The following PCDH11X variants were observed in gnomAD, a reference collection of about 807,000 sequenced individuals.
PCDH11X encodes protocadherin 11 X-linked, also known as protocadherin-11 X-linked.
PCDH11X carries 18 observed loss-of-function variants against 53.3 expected under a neutral mutation model. The observed-to-expected ratio is 0.34, with a 90% CI of 0.23 to 0.50. The LOEUF is 0.50. Ranked by LOEUF, PCDH11X falls within the 20% of genes least tolerant of loss-of-function variation. PCDH11X has a pLI of 0.98. For synonymous variants in PCDH11X, 279 were observed against 393.3 expected, an observed-to-expected ratio of 0.71 and a Z score of 3.44; for missense variants, 570 against 1,032.4, an observed-to-expected ratio of 0.55 and a Z score of 6.14.
chrX:92,023,021 T>A (rs1301041103), intron 6 of PCDH11X, among the ~76,000 whole-genome samples: 1 of 110,386 alleles, frequency 9.1e-6, no homozygotes, highest in East Asian at 2.9e-4. Flanking sequence ...TAAAGCAGTG[T>A]TAAGAGGGTA....
intron 6 of PCDH11X, among the ~76,000 whole-genome samples, chrX:91,978,765 T>A (rs2062081773): frequency 8.9e-6 from 1 of 112,497 alleles, no homozygotes; most frequent in African/African-American, 3.2e-5. Flanking sequence ...AAGACAGGGG[T>A]CAGGGCTCAG....
At chrX:92,333,371 C>T (rs143661298) in intron 8 of PCDH11X, among the ~76,000 whole-genome samples, 3,376 of 110,554 alleles carry the variant, frequency 0.031, 68 homozygotes, top group Non-Finnish European at 0.048. Context: ...ACAATTGATG[C>T]CTGTATGAGT....
chrX:91,953,015 A>G (rs2061660404), intron 6 of PCDH11X, among the ~76,000 whole-genome samples: 1 of 110,524 alleles, frequency 9.0e-6, no homozygotes, highest in African/African-American at 3.3e-5. Flanking sequence ...GAACTCATGG[A>G]CTTGGAGAGT....
chrX:92,249,768 T>C (rs766282328), intron 7 of PCDH11X, among the ~76,000 whole-genome samples: 6 of 111,936 alleles, frequency 5.4e-5, no homozygotes, highest in South Asian at 3.7e-4. Flanking sequence ...TTTATCCCCT[T>C]TAATTTGGCT....
intron 10 of PCDH11X, among the ~76,000 whole-genome samples, chrX:92,512,589 A>C (rs745796481): frequency 1.8e-5 from 2 of 111,907 alleles, no homozygotes; most frequent in African/African-American, 6.5e-5. Flanking sequence ...AAAAGAAAGA[A>C]AAATGTCTAA....
intron 6 of PCDH11X, among the ~76,000 whole-genome samples, chrX:91,922,479 G>A (rs938036028): frequency 9.0e-6 from 1 of 111,659 alleles, no homozygotes; most frequent in East Asian, 2.8e-4. Context: ...GACCTGTTAG[G>A]AACTGGGGCC....
At chrX:92,577,566 T>TTAC (rs2148782086) in intron 10 of PCDH11X, among the ~76,000 whole-genome samples, 1 of 110,166 alleles carries the variant, frequency 9.1e-6, no homozygotes, top group African/African-American at 3.3e-5. Context: ...CTGATCTTAG[T>TTAC]TATTTCTTGT....
chrX:92,126,782 A>T (rs758769070), intron 6 of PCDH11X, among the ~76,000 whole-genome samples: 17 of 105,876 alleles, frequency 1.6e-4, no homozygotes, highest in African/African-American at 5.5e-4. Flanking sequence ...GTATGGGAGA[A>T]TCTAATTTTA....
intron 5 of PCDH11X, among the ~76,000 whole-genome samples, chrX:91,869,845 C>A (rs902697215): frequency 2.7e-5 from 3 of 111,384 alleles, no homozygotes; most frequent in African/African-American, 6.5e-5. Flanking sequence ...GAATCTGAAG[C>A]GAGACAGAGA....
At chrX:91,975,290 C>T (rs1213190387) in intron 6 of PCDH11X, among the ~76,000 whole-genome samples, 2 of 111,955 alleles carry the variant, frequency 1.8e-5, no homozygotes, top group African/African-American at 6.5e-5. Context: ...GTCAAGATGA[C>T]ACAAAGATTT....
At chrX:92,162,088 A>T (rs1484905013) in intron 6 of PCDH11X, among the ~76,000 whole-genome samples, 6 of 86,355 alleles carry the variant, frequency 6.9e-5, no homozygotes, top group African/African-American at 2.7e-4. Context: ...GGGAGTGTTA[A>T]AAAACCTTGT....
At chrX:92,158,600 G>C (rs2065581440) in intron 6 of PCDH11X, among the ~76,000 whole-genome samples, 1 of 111,847 alleles carries the variant, frequency 8.9e-6, no homozygotes, top group African/African-American at 3.2e-5. Flanking sequence ...TTGATTTTAA[G>C]ATTGCCTGAA....
At chrX:92,475,233 T>G (rs2073357287) in intron 10 of PCDH11X, among the ~76,000 whole-genome samples, 2 of 108,173 alleles carry the variant, frequency 1.8e-5, no homozygotes, top group South Asian at 8.1e-4. Context: ...TATAATATTC[T>G]GTATTTTTTG....
chrX:92,207,772 T>C (rs1446000288), intron 7 of PCDH11X, among the ~76,000 whole-genome samples: 3 of 111,695 alleles, frequency 2.7e-5, no homozygotes, highest in African/African-American at 9.8e-5. Flanking sequence ...TCATGTCTCC[T>C]ACAAAAAACA....
At chrX:92,475,164 CAAAAAAA>C (rs761171281) in intron 10 of PCDH11X, among the ~76,000 whole-genome samples, 3 of 30,539 alleles carry the variant, frequency 9.8e-5, no homozygotes, top group Admixed American at 4.8e-4. Context: ...GACTCCGTCT[CAAAAAAA>C]AAAAAAAAAA....
rs750143430 is a variant in PCDH11X, at chrX:92,071,883, G to A, written c.3034-129492G>A. On this transcript the variant is annotated intron_variant, in intron 6 of 10. Coordinates refer to ENST00000682573, the MANE Select transcript of PCDH11X (RefSeq NM_032968.5). ...TTGCTAGGTCATTCCTGAAGCCAGC[G>A]CAGTTCTGGCCCTTGCCCATGGCCT... 2.1e-4 allele frequency among the ~76,000 whole-genome samples: 24 copies of A among 111,984 alleles called. No homozygotes were observed. In the South Asian group the frequency reaches 3.7e-3, roughly 17 times the overall value.
intron 6 of PCDH11X, among the ~76,000 whole-genome samples, chrX:92,020,564 G>T (rs2525129): frequency 9.0e-6 from 1 of 111,590 alleles, no homozygotes; most frequent in South Asian, 3.9e-4. Context: ...AGTTCCTAGG[G>T]GGAGGGGTGG....
chrX:92,119,501 A>G (rs1219666478), intron 6 of PCDH11X, among the ~76,000 whole-genome samples: 1 of 110,914 alleles, frequency 9.0e-6, no homozygotes, highest in Non-Finnish European at 1.9e-5. Flanking sequence ...TTTGAAGTAC[A>G]TTATTGGGTA....
intron 8 of PCDH11X, among the ~76,000 whole-genome samples, chrX:92,293,975 T>G (rs1313432556): frequency 9.0e-6 from 1 of 110,660 alleles, no homozygotes; most frequent in African/African-American, 3.3e-5. Context: ...GATATATTGG[T>G]TCATTAGTTG....
Sources: gnomAD v4.1 joint callset for allele counts (sites outside exome capture counted in the v4.1 genomes callset) on GRCh38, gnomAD v4.1.1 for gene constraint, MANE v1.5 for transcripts, NCBI Gene and HGNC (gene_info 2026-07-23, HGNC 2026-07-21) for gene names.